The following NAV2 variants were observed in gnomAD, a reference collection of about 807,000 sequenced individuals.
NAV2 encodes neuron navigator 2, also known as helicase, APC down-regulated 1.
Under a neutral mutation model 223.2 loss-of-function variants are expected in NAV2, and 54 were observed. That is an observed-to-expected ratio of 0.24 (90% CI 0.19 to 0.30). The LOEUF is 0.30. Ranked by LOEUF, NAV2 falls within the 10% of genes least tolerant of loss-of-function variation. The pLI is 1.00. For synonymous variants in NAV2, 1,279 were observed against 1,239.3 expected (o/e 1.03, Z -0.67); for missense variants, 2,806 against 3,147.5 (o/e 0.89, Z 2.60).
rs1369463242 is a variant in NAV2 at position 20,097,709 on chromosome 11, G to A, written c.6145G>A (p.Val2049Ile). Residue 2049 changes from valine (V) to isoleucine (I), a missense_variant, in exon 31 of 38, where the codon GTT becomes ATT. By Grantham distance (29) the Val-to-Ile change is conservative. Transcript: ENST00000349880. ...GGAGCTGCTTCCTTGTGGCTATCTG[G>A]TTGGAGAGAACACGACCATCTCAGT... ...TPELLPCGYL[V>I]GENTTISVTV... is the part of the protein sequence containing the mutation. 1.9e-6 allele frequency: 3 copies of A among 1,610,052 alleles called. No homozygotes were observed. Among genetic ancestry groups the A allele is most frequent in the South Asian group, 1.1e-5 (1 of 90,086 alleles).
chr11:19,668,670 C>T (rs1053430099), intron 1 of NAV2, among the ~76,000 whole-genome samples: 21 of 151,934 alleles, frequency 1.4e-4, no homozygotes, highest in Non-Finnish European at 4.4e-5. Flanking sequence ...CTCATTCAGG[C>T]CCTTGACTCA....
At chr11:19,952,354 G>A (rs556042074) in intron 10 of NAV2, among the ~76,000 whole-genome samples, 1 of 152,342 alleles carries the variant, frequency 6.6e-6, no homozygotes, top group African/African-American at 2.4e-5. Flanking sequence ...GCTTTGAAGT[G>A]CTACAATTAA....
intron 1 of NAV2, among the ~76,000 whole-genome samples, chr11:19,573,902 G>T (rs2045497563): frequency 6.6e-6 from 1 of 152,172 alleles, no homozygotes; most frequent in African/African-American, 2.4e-5. Flanking sequence ...AGCACTTGGG[G>T]GTGGCAGGCT....
intron 22 of NAV2, among the ~76,000 whole-genome samples, chr11:20,074,079 AATT>A (rs2059572049): frequency 6.6e-6 from 1 of 152,126 alleles, no homozygotes; most frequent in Non-Finnish European, 1.5e-5. Flanking sequence ...TAGTGCTATA[AATT>A]TCCCTCTACA....
Position 19,768,143 on chromosome 11 carries a change from C to T in NAV2, c.267+54181C>T, listed in dbSNP as rs80326733. Among the ~76,000 whole-genome samples, 39 of 152,324 alleles carry T rather than the reference C, an allele frequency of 2.6e-4. 1 individual carries two copies. In the East Asian group the frequency reaches 7.3e-3, roughly 29 times the overall value. Reference sequence around the variant, plus strand: ...TTGGAACTTCTTCATCCGGGATGGGCGTCCTGCACGCACGTTGAGTGGCTC... The same window carrying T: ...TTGGAACTTCTTCATCCGGGATGGGTGTCCTGCACGCACGTTGAGTGGCTC... On this transcript the variant is annotated intron_variant, in intron 1 of 37. Transcript: ENST00000349880.
At chr11:19,866,734 A>G (rs973340749) in intron 3 of NAV2, among the ~76,000 whole-genome samples, 7 of 152,134 alleles carry the variant, frequency 4.6e-5, no homozygotes, top group Non-Finnish European at 1.0e-4. Flanking sequence ...CTTCAGTGCC[A>G]TATTGCTGGA....
intron 1 of NAV2, among the ~76,000 whole-genome samples, chr11:19,613,232 C>A (rs1212348357): frequency 6.6e-6 from 1 of 152,000 alleles, no homozygotes; most frequent in Non-Finnish European, 1.5e-5. Context: ...GGGGACACAG[C>A]CAAATCACAC....
chr11:19,951,382 C>CT (rs1175626659), intron 10 of NAV2, among the ~76,000 whole-genome samples: 2 of 151,806 alleles, frequency 1.3e-5, no homozygotes, highest in African/African-American at 2.4e-5. Flanking sequence ...TTAGAGCATC[C>CT]TTTTTTTTCT....
intron 1 of NAV2, among the ~76,000 whole-genome samples, chr11:19,824,364 T>G (rs2059544320): frequency 1.3e-5 from 2 of 152,154 alleles, no homozygotes; most frequent in South Asian, 4.1e-4. Flanking sequence ...ATGTCCCAAG[T>G]AATACATCAG....
At chr11:19,712,086 C>G (rs998436947), upstream of NAV2, 1 of 152,206 alleles carries the variant, frequency 6.6e-6, no homozygotes, top group Non-Finnish European at 1.5e-5. Context: ...AGTCGAGGAA[C>G]CTGTTGGGGC....
chr11:19,430,024 CT>C (rs1466591622), intron 1 of NAV2, among the ~76,000 whole-genome samples: 1 of 152,194 alleles, frequency 6.6e-6, no homozygotes, highest in Non-Finnish European at 1.5e-5. Flanking sequence ...AGTTTACAAA[CT>C]TTATCCCTCT....
chr11:19,870,320 T>C (rs995921644), intron 4 of NAV2, among the ~76,000 whole-genome samples: 5 of 152,178 alleles, frequency 3.3e-5, no homozygotes, highest in African/African-American at 1.2e-4. Flanking sequence ...GATTTCCTCC[T>C]GGTAGAGAGT....
At chr11:20,019,884 C>T (rs576105689) in intron 11 of NAV2, among the ~76,000 whole-genome samples, 64 of 151,778 alleles carry the variant, frequency 4.2e-4, no homozygotes, top group Non-Finnish European at 7.5e-4. Flanking sequence ...AGAAAGTGGT[C>T]TCAGTGGAGT....
chr11:19,925,175 G>A (rs1307091342), intron 6 of NAV2, among the ~76,000 whole-genome samples: 1 of 152,162 alleles, frequency 6.6e-6, no homozygotes, highest in Non-Finnish European at 1.5e-5. Context: ...TCTGGATATC[G>A]GTCACTTATC....
intron 6 of NAV2, among the ~76,000 whole-genome samples, chr11:19,896,367 C>T (rs1004460186): frequency 3.9e-5 from 6 of 152,136 alleles, no homozygotes; most frequent in Non-Finnish European, 8.8e-5. Context: ...CTATTCTACT[C>T]TCTGTTTTTA....
intron 1 of NAV2, among the ~76,000 whole-genome samples, chr11:19,487,557 T>C (rs2042484698): frequency 6.6e-6 from 1 of 152,206 alleles, no homozygotes; most frequent in African/African-American, 2.4e-5. Context: ...ACTCTTTCTA[T>C]AGCCTTCTTG....
rs2063406892 is a variant in NAV2, at chr11:20,120,291, T to A, written c.*2033T>A. On this transcript the variant is annotated 3_prime_UTR_variant, in exon 38 of 38. Coordinates refer to ENST00000349880, the MANE Select transcript of NAV2 (RefSeq NM_145117.5). ...AAACTTTTCAACACTATCCCTGCTT[T>A]AGTCTCAGCAAACTCAGACTATTCT... 1 of 152,268 alleles carries A rather than the reference T, an allele frequency of 6.6e-6. No homozygotes were observed. Among genetic ancestry groups the A allele is most frequent in the East Asian group, 1.9e-4 (1 of 5,194 alleles). The allele number at this position is 152,268 out of a possible 1,614,324, so 9.4% of individuals were successfully genotyped here. A position where few individuals can be genotyped will look rare whatever the true frequency, so the allele number is the denominator to read the frequency against.
chr11:19,727,826 A>G (rs941349276), intron 1 of NAV2, among the ~76,000 whole-genome samples: 8 of 152,206 alleles, frequency 5.3e-5, no homozygotes, highest in Non-Finnish European at 4.4e-5. Context: ...ATGGACCACC[A>G]CAGGTGGAGG....
chr11:19,919,918 G>C (rs1045169516), intron 6 of NAV2, among the ~76,000 whole-genome samples: 1 of 152,076 alleles, frequency 6.6e-6, no homozygotes, highest in South Asian at 2.1e-4. Flanking sequence ...AGGATTACTC[G>C]AGCCCAGGGG....
Sources: allele counts gnomAD v4.1 joint callset (sites outside exome capture counted in the v4.1 genomes callset), GRCh38; gene constraint gnomAD v4.1.1; transcripts MANE v1.5; gene names NCBI Gene and HGNC (gene_info 2026-07-23, HGNC 2026-07-21).